Variants in HDLBP observed in about 807,000 individuals in gnomAD.
The protein encoded by HDLBP is high density lipoprotein binding protein, also known as vigilin.
In HDLBP, 30 loss-of-function variants were observed where a neutral mutation model predicts 137.3. That is an observed-to-expected ratio of 0.22 (90% confidence interval 0.16 to 0.30). The LOEUF (loss-of-function observed/expected upper bound fraction) is 0.30. Ranked by LOEUF, HDLBP falls within the 10% of genes least tolerant of loss-of-function variation. The pLI, the probability that HDLBP is intolerant of heterozygous loss-of-function variation, is 1.00. For missense variants in HDLBP, 1,119 were observed against 1,667.3 expected (o/e 0.67, Z 5.73); for synonymous variants, 606 against 596.0 (o/e 1.02, Z -0.24).
At chr2:241,298,585 T>A (rs1188174695) in intron 1 of HDLBP, among the ~76,000 whole-genome samples, 1 of 152,046 alleles carries the variant, frequency 6.6e-6, no homozygotes, top group Non-Finnish European at 1.5e-5. Context: ...TAACTGAAAG[T>A]TTGATTTTAT....
In HDLBP at chr2:241,240,094, C is replaced by T. The variant is rs115571292; in HGVS notation, c.2198G>A (p.Arg733His). ...KQTKSFTVDIRAKPEYHKFLI... is the reference protein window; with the variant it reads ...KQTKSFTVDIHAKPEYHKFLI... ...GAATTTGTGGTATTCTGGCTTGGCG[C>T]GGATGTCAACAGTGAAACTCTTGGT... The change falls in exon 18 of 28, where the codon CGC becomes CAC. Residue 733 changes from arginine to histidine, a missense_variant. This residue lies in a region of HDLBP where 618 missense variants were observed against 816.7 expected (regional missense o/e 0.76). Coordinates refer to ENST00000310931, the MANE Select transcript of HDLBP (RefSeq NM_005336.6). The surrounding 1 kb of genome is among the most constrained non-coding windows in gnomAD (Gnocchi z 5.5). 1,925 of 1,614,160 alleles carry T rather than the reference C, an allele frequency of 1.2e-3. 16 individuals are homozygous for T. In the African/African-American group the frequency reaches 0.022, roughly 18 times the overall value.
chr2:241,236,420 T>C, intron 21 of HDLBP, 195 bp downstream of exon 21: 1 of 610,790 alleles, frequency 1.6e-6, no homozygotes, highest in South Asian at 2.0e-5. Flanking sequence ...CGAGCCTTGG[T>C]GAAGGGAAGT....
At chr2:241,234,295 G>C (rs1388796808) in intron 23 of HDLBP, among the ~76,000 whole-genome samples, 1 of 152,134 alleles carries the variant, frequency 6.6e-6, no homozygotes, top group Non-Finnish European at 1.5e-5. Flanking sequence ...TGTCAAACAG[G>C]GATCTGATGG....
intron 23 of HDLBP, among the ~76,000 whole-genome samples, chr2:241,234,606 C>T (rs901971167): frequency 2.0e-5 from 3 of 152,268 alleles, no homozygotes; most frequent in Admixed American, 2.0e-4. Context: ...CAGCACTCTG[C>T]TCACACAATC....
At chr2:241,290,433 GA>G (rs1424028286) in intron 1 of HDLBP, among the ~76,000 whole-genome samples, 1 of 151,942 alleles carries the variant, frequency 6.6e-6, no homozygotes, top group African/African-American at 2.4e-5. Flanking sequence ...CAACATGGAG[GA>G]ACCCCGTCTC....
At chr2:241,242,398 C>T (rs1025108713) in intron 17 of HDLBP, 62 bp downstream of exon 17, 13 of 1,405,084 alleles carry the variant, frequency 9.3e-6, no homozygotes, top group Middle Eastern at 2.3e-4. Flanking sequence ...CAGTGAGAAG[C>T]GAGAACACTG....
chr2:241,231,610 G>A (rs191297847), intron 24 of HDLBP, among the ~76,000 whole-genome samples: 4 of 152,256 alleles, frequency 2.6e-5, no homozygotes, highest in African/African-American at 9.6e-5. Context: ...GCCCACGTGG[G>A]CCACAGTCTG....
chr2:241,265,748 G>A (rs778115961), intron 3 of HDLBP, among the ~76,000 whole-genome samples: 5 of 152,182 alleles, frequency 3.3e-5, no homozygotes, highest in Non-Finnish European at 7.3e-5. Context: ...CAGGCCCATC[G>A]CTTCCCAGCT....
At position 241,233,044 on chromosome 2, in the gene HDLBP, C is replaced by T. The variant is rs557280337; in HGVS notation, c.3288+776G>A. Among the ~76,000 whole-genome samples the T allele has an allele frequency of 1.3e-4, 20 of 152,028 alleles. No individual in the cohort carries two copies. The highest frequency in any genetic ancestry group is 4.8e-4 in the African/African-American group (20 of 41,466). ...CTGGGCGGCACATCCACAGTGGGAG[C>T]GAGGGGCGTGGAGGGGCTCTGCTGC... On this transcript the variant is annotated intron_variant, in intron 24 of 27. Coordinates refer to ENST00000310931, the MANE Select transcript of HDLBP (RefSeq NM_005336.6). This position sits in a 1 kb window ranked among gnomAD's most constrained non-coding sequence, Gnocchi z 4.3.
chr2:241,309,985 A>C (rs2075713081), intron 1 of HDLBP, among the ~76,000 whole-genome samples: 1 of 152,212 alleles, frequency 6.6e-6, no homozygotes, highest in South Asian at 2.1e-4. Context: ...ACACAGGCTC[A>C]GAGGCCCTCT....
At chr2:241,252,658 A>C (rs1220778896) in intron 11 of HDLBP, among the ~76,000 whole-genome samples, 1 of 152,236 alleles carries the variant, frequency 6.6e-6, no homozygotes, top group Non-Finnish European at 1.5e-5. Flanking sequence ...AATATAGAGA[A>C]TGCTGCCCTT....
Position 241,230,256 on chromosome 2 carries a change from A to C in HDLBP, c.3488T>G (p.Phe1163Cys). The change falls in exon 26 of 28, where the codon TTC (phenylalanine) becomes TGC (cysteine). Residue 1163 changes from phenylalanine to cysteine, a missense_variant. Physicochemically the swap from Phe to Cys is radical, Grantham distance 205. Around this residue, in one of 4 missense-constraint regions of HDLBP, gnomAD observed 618 missense variants for 816.7 expected, o/e 0.76. Transcript: ENST00000310931. This position sits in a 1 kb window ranked among gnomAD's most constrained non-coding sequence, Gnocchi z 5.0. ...GGGGTCTGGGGCTCCGCTCTGTGGG[A>C]AGCGAATGTCCACCTGGAAGGGGTG... ...IMDEFKVDIRFPQSGAPDPNC... is the reference protein window; with the variant it reads ...IMDEFKVDIRCPQSGAPDPNC... The C allele has an allele frequency of 6.3e-7, 1 of 1,589,726 alleles. No individual in the cohort carries two copies. Among genetic ancestry groups the C allele is most frequent in the Non-Finnish European group, 8.6e-7 (1 of 1,162,136 alleles).
intron 1 of HDLBP, among the ~76,000 whole-genome samples, chr2:241,292,666 A>T (rs1285263999): frequency 3.3e-5 from 5 of 152,234 alleles, no homozygotes. Context: ...ATTTGCTTTA[A>T]AATACTCAAA....
At chr2:241,234,058 G>A in intron 23 of HDLBP, 95 bp from the exon 24 acceptor site, 6 of 1,387,020 alleles carry the variant, frequency 4.3e-6, no homozygotes, top group Admixed American at 1.8e-5. Context: ...CACTGGAGAT[G>A]CTGCAGTGTT....
At chr2:241,271,372 AG>A (rs1488028425) in intron 1 of HDLBP, among the ~76,000 whole-genome samples, 3 of 152,036 alleles carry the variant, frequency 2.0e-5, no homozygotes, top group Admixed American at 6.5e-5. Flanking sequence ...CTAGAACTAA[AG>A]GAAGGAGGGC....
At chr2:241,232,522 C>T (rs2069894631) in intron 24 of HDLBP, among the ~76,000 whole-genome samples, 1 of 152,144 alleles carries the variant, frequency 6.6e-6, no homozygotes, top group Non-Finnish European at 1.5e-5. Context: ...GGGATCCACC[C>T]GCCTCGGCCT....
At chr2:241,247,826 G>C (rs2071796988) in intron 14 of HDLBP, among the ~76,000 whole-genome samples, 177 bp downstream of exon 14, 1 of 152,126 alleles carries the variant, frequency 6.6e-6, no homozygotes. Flanking sequence ...TAAACATCCA[G>C]GTATTAAGTG....
rs1293174900 is a variant in HDLBP, at chr2:241,233,355, A to G, written c.3288+465T>C. ...GCCAGTGGCAGGGGGGTGGCACTGC[A>G]ATTTGGAGGAAGTAACAACAAGAGT... On this transcript the variant is annotated intron_variant, in intron 24 of 27. Coordinates refer to ENST00000310931, the MANE Select transcript of HDLBP (RefSeq NM_005336.6). This position sits in a 1 kb window ranked among gnomAD's most constrained non-coding sequence, Gnocchi z 4.3. Among the ~76,000 whole-genome samples, 2 of 152,228 alleles carry G rather than the reference A, an allele frequency of 1.3e-5. No individual in the cohort carries two copies. The highest frequency in any genetic ancestry group is 3.9e-4 in the East Asian group (2 of 5,182).
intron 16 of HDLBP, 137 bp downstream of exon 16, chr2:241,246,615 G>A: frequency 1.2e-6 from 1 of 827,916 alleles, no homozygotes. Flanking sequence ...CTCATCAGTA[G>A]CCTGGATTGA....
Sources: gnomAD v4.1 joint callset for allele counts (sites outside exome capture counted in the v4.1 genomes callset) on GRCh38, gnomAD v4.1.1 for gene constraint, gnomAD v4.1.1 regional missense constraint, Gnocchi (gnomAD v3.1) non-coding constraint, MANE v1.5 for transcripts, NCBI Gene and HGNC (gene_info 2026-07-23, HGNC 2026-07-21) for gene names.